The following ENTREP2 variants were observed in gnomAD, a reference collection of about 807,000 sequenced individuals.
ENTREP2 encodes the protein protein ENTREP2.
At chr15:29,264,183 G>A in the ENTREP2 span, among the ~76,000 whole-genome samples, 1 of 115,472 alleles carries the variant, frequency 8.7e-6, no homozygotes, top group East Asian at 2.4e-4. Context: ...CTCTCTTTTT[G>A]TGCCAACAAG....
the ENTREP2 span, among the ~76,000 whole-genome samples, chr15:29,560,608 C>T: frequency 6.6e-6 from 1 of 152,026 alleles, no homozygotes; most frequent in South Asian, 2.1e-4. Context: ...TGCTGCTCCG[C>T]CACACCTCTG....
At chr15:29,444,174 GAAAGAA>G in the ENTREP2 span, among the ~76,000 whole-genome samples, 191 of 29,670 alleles carry the variant, frequency 6.4e-3, 1 homozygote, top group African/African-American at 0.024. Flanking sequence ...GACAGACAAA[GAAAGAA>G]AGAAAGAAAG....
At chr15:29,195,366 C>T in the ENTREP2 span, 13 of 975,482 alleles carry the variant, frequency 1.3e-5, no homozygotes, top group African/African-American at 1.0e-4. Flanking sequence ...AAGGTCAACG[C>T]TTTCCTCCTC....
the ENTREP2 span, among the ~76,000 whole-genome samples, chr15:29,592,855 T>G: frequency 1.3e-5 from 2 of 152,178 alleles, no homozygotes; most frequent in African/African-American, 4.8e-5. Flanking sequence ...CTCCCTTCTC[T>G]CTTGCTTCCT....
chr15:29,204,686 C>T, the ENTREP2 span, among the ~76,000 whole-genome samples: 1 of 152,238 alleles, frequency 6.6e-6, no homozygotes, highest in African/African-American at 2.4e-5. Flanking sequence ...AGTGCCAACG[C>T]TATTTGCCGG....
At chr15:29,285,010 C>T in the ENTREP2 span, among the ~76,000 whole-genome samples, 5 of 152,180 alleles carry the variant, frequency 3.3e-5, no homozygotes, top group African/African-American at 4.8e-5. Flanking sequence ...AAGACAAGGG[C>T]GAAGGAGTGA....
chr15:29,159,872 C>T, the ENTREP2 span, among the ~76,000 whole-genome samples: 1 of 152,268 alleles, frequency 6.6e-6, no homozygotes, highest in Non-Finnish European at 1.5e-5. Context: ...CTGGCTTCAC[C>T]CGGTGGATCC....
the ENTREP2 span, among the ~76,000 whole-genome samples, chr15:29,392,011 G>C: frequency 1.3e-5 from 2 of 152,230 alleles, no homozygotes; most frequent in African/African-American, 4.8e-5. Flanking sequence ...CTATTTTTTA[G>C]TAGAGACAGG....
At chr15:29,135,198 G>A in the ENTREP2 span, among the ~76,000 whole-genome samples, 5 of 150,300 alleles carry the variant, frequency 3.3e-5, no homozygotes, top group African/African-American at 7.5e-5. This position sits in a 1 kb window ranked among gnomAD's most constrained non-coding sequence, Gnocchi z 7.4. Context: ...CCCCAGCCAT[G>A]CCCCAGTCCC....
At chr15:29,365,322 G>A in the ENTREP2 span, among the ~76,000 whole-genome samples, 3 of 149,172 alleles carry the variant, frequency 2.0e-5, no homozygotes, top group Admixed American at 6.7e-5. Context: ...GTGTGAAATC[G>A]GCTCACTGCA....
the ENTREP2 span, chr15:29,123,106 GAATTA>G: frequency 2.0e-6 from 1 of 496,992 alleles, no homozygotes; most frequent in Admixed American, 3.5e-5. Flanking sequence ...TCATCTTTCC[GAATTA>G]CTGGGCTAGG....
At chr15:29,259,656 C>T in the ENTREP2 span, among the ~76,000 whole-genome samples, 1 of 152,066 alleles carries the variant, frequency 6.6e-6, no homozygotes, top group Non-Finnish European at 1.5e-5. Flanking sequence ...GCTCACCCTC[C>T]CTCCTGATTC....
At chr15:29,275,393 T>A in the ENTREP2 span, among the ~76,000 whole-genome samples, 1 of 152,248 alleles carries the variant, frequency 6.6e-6, no homozygotes, top group African/African-American at 2.4e-5. Context: ...CCATAGCAGC[T>A]ATGCACATTC....
the ENTREP2 span, among the ~76,000 whole-genome samples, chr15:29,656,381 A>G: frequency 6.6e-6 from 1 of 152,156 alleles, no homozygotes; most frequent in Middle Eastern, 3.4e-3. Context: ...ATCCATCACC[A>G]CAGCCGGGTA....
chr15:29,616,406 A>C, the ENTREP2 span, among the ~76,000 whole-genome samples: 9 of 151,126 alleles, frequency 6.0e-5, no homozygotes, highest in African/African-American at 9.7e-5. Flanking sequence ...AGGGCTCACC[A>C]CTCCACACTC....
chr15:29,444,022 T>C, the ENTREP2 span, among the ~76,000 whole-genome samples: 18 of 151,984 alleles, frequency 1.2e-4, no homozygotes, highest in South Asian at 1.2e-3. Flanking sequence ...GAGAATGGCG[T>C]GAACCTGGGA....
chr15:29,548,841 C>T, the ENTREP2 span, among the ~76,000 whole-genome samples: 1 of 152,200 alleles, frequency 6.6e-6, no homozygotes, highest in Non-Finnish European at 1.5e-5. Flanking sequence ...TATTTGATCA[C>T]ACATTCCCAC....
the ENTREP2 span, among the ~76,000 whole-genome samples, chr15:29,131,576 T>G: frequency 9.9e-6 from 1 of 101,178 alleles, no homozygotes; most frequent in African/African-American, 4.4e-5. Flanking sequence ...GCTGTGACCT[T>G]CACCTGCACC....
the ENTREP2 span, among the ~76,000 whole-genome samples, chr15:29,642,265 G>T: frequency 0.046 from 7,036 of 151,990 alleles, 186 homozygotes; most frequent in South Asian, 0.066. Context: ...AATCAAGACA[G>T]CGTGGTATTG....
Sources: gnomAD v4.1 joint callset for allele counts (sites outside exome capture counted in the v4.1 genomes callset) on GRCh38, gnomAD v4.1.1 for gene constraint, Gnocchi (gnomAD v3.1) non-coding constraint, MANE v1.5 for transcripts, NCBI Gene and HGNC (gene_info 2026-07-23, HGNC 2026-07-21) for gene names.